KSR2: variants seen among roughly 807,000 people sequenced by gnomAD.
KSR2 encodes the protein kinase suppressor of ras 2.
In KSR2, 25 loss-of-function variants were observed where a neutral mutation model predicts 107.8. The ratio of observed to expected loss-of-function variants is 0.23; its 90% CI spans 0.17 to 0.32. The LOEUF (loss-of-function observed/expected upper bound fraction) is 0.32. Ranked by LOEUF, KSR2 falls within the 10% of genes least tolerant of loss-of-function variation. KSR2 has a pLI of 1.00. For missense variants in KSR2, 887 were observed against 1,268.9 expected (o/e 0.70, Z 4.57); for synonymous variants, 480 against 507.0 (o/e 0.95, Z 0.71).
At chr12:117,702,755 A>G (rs142474111) in intron 4 of KSR2, among the ~76,000 whole-genome samples, 164 of 152,204 alleles carry the variant, frequency 1.1e-3, no homozygotes, top group African/African-American at 3.8e-3. Context: ...GTCTCCAATC[A>G]CTTTCAAATG....
chr12:117,813,875 G>C (rs890017483), intron 3 of KSR2, among the ~76,000 whole-genome samples: 1 of 152,200 alleles, frequency 6.6e-6, no homozygotes, highest in Non-Finnish European at 1.5e-5. Context: ...ATTGACCCAA[G>C]TGTCCAAGAA....
chr12:117,787,589 C>T (rs546714299), intron 3 of KSR2, among the ~76,000 whole-genome samples: 36 of 152,064 alleles, frequency 2.4e-4, no homozygotes, highest in Admixed American at 2.6e-4. Flanking sequence ...GCCGACACTG[C>T]GCCACTGCAC....
chr12:117,521,254 T>A (rs948338871), intron 14 of KSR2, among the ~76,000 whole-genome samples: 40 of 152,234 alleles, frequency 2.6e-4, no homozygotes, highest in African/African-American at 9.4e-4. Flanking sequence ...TGTTCCCAGC[T>A]GCTTCTCAAA....
intron 1 of KSR2, among the ~76,000 whole-genome samples, chr12:117,952,853 C>T (rs772159502): frequency 1.3e-5 from 2 of 151,836 alleles, no homozygotes; most frequent in East Asian, 1.9e-4. Flanking sequence ...GGCGTGGTGG[C>T]GCACACCTGT....
At chr12:117,631,964 T>C (rs181216544) in intron 5 of KSR2, among the ~76,000 whole-genome samples, 12 of 152,146 alleles carry the variant, frequency 7.9e-5, no homozygotes, top group African/African-American at 2.9e-4. Flanking sequence ...CAGGATGGAG[T>C]AATACAGTAC....
At chr12:117,740,306 T>A (rs6490150) in intron 4 of KSR2, among the ~76,000 whole-genome samples, 127,174 of 141,628 alleles carry the variant, frequency 0.9, 57,385 homozygotes, top group African/African-American at 0.97. Context: ...ATATATATAA[T>A]ATATATATAC....
rs963067421 is a variant in KSR2 at position 117,455,289 on chromosome 12, G to C, written c.*11910C>G. 6 of 152,390 alleles carry C rather than the reference G, an allele frequency of 3.9e-5. No individual in the cohort carries two copies. Among genetic ancestry groups the C allele is most frequent in the African/African-American group, 1.2e-4 (5 of 41,562 alleles). The allele number at this position is 152,390 out of a possible 1,614,324, so 9.4% of individuals were successfully genotyped here. On this transcript the variant is annotated 3_prime_UTR_variant, in exon 20 of 20. Transcript: ENST00000339824. ...TGGAGACTCCAGGGTCCCAAAATCA[G>C]GCTTTGGGGAAAGCAGGGAAAGGCA...
chr12:117,713,643 T>C (rs529495893), intron 4 of KSR2, among the ~76,000 whole-genome samples: 1 of 152,266 alleles, frequency 6.6e-6, no homozygotes, highest in East Asian at 1.9e-4. Context: ...AAGTGAGGGA[T>C]GGAGAAGGGA....
chr12:117,757,800 T>G (rs1017309384), intron 4 of KSR2, among the ~76,000 whole-genome samples: 1 of 152,228 alleles, frequency 6.6e-6, no homozygotes, highest in African/African-American at 2.4e-5. Context: ...ATACACTTAA[T>G]AGACTACAGT....
intron 16 of KSR2, among the ~76,000 whole-genome samples, chr12:117,479,466 G>A (rs780021780): frequency 6.6e-6 from 1 of 152,156 alleles, no homozygotes; most frequent in Non-Finnish European, 1.5e-5. Flanking sequence ...TTGTTGTTGG[G>A]GGACACGGGG....
chr12:117,886,085 G>T (rs1182879695), intron 1 of KSR2, among the ~76,000 whole-genome samples: 1 of 147,226 alleles, frequency 6.8e-6, no homozygotes, highest in East Asian at 2.0e-4. Flanking sequence ...AACAGACTGA[G>T]ACTCCGTCTC....
At chr12:117,834,383 T>C (rs887584423) in intron 3 of KSR2, among the ~76,000 whole-genome samples, 4 of 135,264 alleles carry the variant, frequency 3.0e-5, no homozygotes, top group African/African-American at 1.1e-4. Flanking sequence ...ACTTCAATAC[T>C]GAAAGTTTGC....
chr12:117,799,228 G>A (rs1424858344), intron 3 of KSR2, among the ~76,000 whole-genome samples: 2 of 152,188 alleles, frequency 1.3e-5, no homozygotes, highest in African/African-American at 2.4e-5. Flanking sequence ...TGGGCTGGGC[G>A]CGGTGGCTCA....
chr12:117,555,093 A>T, intron 9 of KSR2, 76 bp downstream of exon 9: 1 of 1,585,004 alleles, frequency 6.3e-7, no homozygotes, highest in Non-Finnish European at 8.6e-7. Flanking sequence ...CTCCCAGATC[A>T]ACCCTTCCTC....
intron 5 of KSR2, among the ~76,000 whole-genome samples, chr12:117,633,671 G>A (rs749425785): frequency 1.1e-4 from 16 of 152,126 alleles, no homozygotes; most frequent in Non-Finnish European, 2.4e-4. Flanking sequence ...TCCTTCCTGT[G>A]TCTTTTTGCA....
chr12:117,675,579 C>T lies in KSR2; in HGVS notation c.987-7921G>A, dbSNP rs888304933. Among the ~76,000 whole-genome samples, 19 of 152,348 alleles carry T rather than the reference C, an allele frequency of 1.2e-4. No individual in the cohort carries two copies. In the Middle Eastern group the frequency reaches 0.01, roughly 82 times the overall value. ...TTGCCAGCCCACCTCTCCCAGCTTT[C>T]ATCACAGAGATCGTCAAGGGAAGCC... On this transcript the variant is annotated intron_variant, in intron 4 of 19. Coordinates refer to ENST00000339824, the MANE Select transcript of KSR2 (RefSeq NM_173598.6).
At chr12:117,495,603 C>T (rs994887206) in intron 14 of KSR2, among the ~76,000 whole-genome samples, 44 of 152,210 alleles carry the variant, frequency 2.9e-4, no homozygotes, top group African/African-American at 1.0e-3. Context: ...TAGCTGCCCA[C>T]GAGGGCACTG....
chr12:117,730,761 C>G (rs1276441710), intron 4 of KSR2, among the ~76,000 whole-genome samples: 1 of 152,224 alleles, frequency 6.6e-6, no homozygotes, highest in Non-Finnish European at 1.5e-5. Flanking sequence ...CTGCCCGCCT[C>G]GGCCTCCCGA....
intron 1 of KSR2, among the ~76,000 whole-genome samples, chr12:117,961,784 G>A (rs543004826): frequency 1.1e-4 from 16 of 152,216 alleles, no homozygotes; most frequent in South Asian, 6.2e-4. Flanking sequence ...TTTTCCAAAC[G>A]AAATTAAGTT....
Sources: gnomAD v4.1 joint callset for allele counts (sites outside exome capture counted in the v4.1 genomes callset) on GRCh38, gnomAD v4.1.1 for gene constraint, MANE v1.5 for transcripts, NCBI Gene and HGNC (gene_info 2026-07-23, HGNC 2026-07-21) for gene names.